The following PRDM2 variants were observed in gnomAD, a reference collection of about 807,000 sequenced individuals.
PRDM2 encodes PR/SET domain 2, also known as PR domain zinc finger protein 2.
In PRDM2, 30 loss-of-function variants were observed where a neutral mutation model predicts 130.0. The ratio of observed to expected loss-of-function variants is 0.23; its 90% confidence interval spans 0.17 to 0.31. The LOEUF (loss-of-function observed/expected upper bound fraction) is 0.31. PRDM2 is among the 10% of genes least tolerant of loss of function. PRDM2 has a pLI of 1.00. For missense variants in PRDM2, 2,011 were observed against 2,108.4 expected (o/e 0.95, Z 0.90); for synonymous variants, 871 against 782.4 (o/e 1.11, Z -1.89).
At chr1:13,764,840 T>A (rs1644185278) in intron 6 of PRDM2, among the ~76,000 whole-genome samples, 1 of 152,374 alleles carries the variant, frequency 6.6e-6, no homozygotes, top group African/African-American at 2.4e-5. Context: ...AGAGAGGTTT[T>A]ATTTTTATAA....
chr1:13,731,631 ATTC>A, intron 3 of PRDM2, among the ~76,000 whole-genome samples: 2 of 152,286 alleles, frequency 1.3e-5, no homozygotes, highest in Middle Eastern at 6.8e-3. Context: ...GTGTATCTAA[ATTC>A]TTCTGGCTGG....
At chr1:13,745,600 T>C (rs1643578163) in intron 5 of PRDM2, among the ~76,000 whole-genome samples, 2 of 152,124 alleles carry the variant, frequency 1.3e-5, no homozygotes, top group Non-Finnish European at 2.9e-5. Context: ...AAATTTTGTA[T>C]TTTTAGTAGA....
chr1:13,748,663 C>T (rs1182072315), intron 5 of PRDM2, among the ~76,000 whole-genome samples: 5 of 152,114 alleles, frequency 3.3e-5, no homozygotes, highest in Non-Finnish European at 5.9e-5. Flanking sequence ...TGATGGTGGC[C>T]CTCACTACTT....
chr1:13,725,981 C>T (rs1176266960), intron 2 of PRDM2, among the ~76,000 whole-genome samples: 1 of 152,204 alleles, frequency 6.6e-6, no homozygotes, highest in East Asian at 1.9e-4. Flanking sequence ...ATTTGAGAAT[C>T]CAGACCCTGA....
At chr1:13,760,472 G>C (rs180958510) in intron 6 of PRDM2, among the ~76,000 whole-genome samples, 4 of 152,174 alleles carry the variant, frequency 2.6e-5, no homozygotes, top group Non-Finnish European at 4.4e-5. Context: ...TGGAGTGTGC[G>C]TGTATGTTGG....
At chr1:13,820,330 T>C (rs1194621753) in intron 9 of PRDM2, among the ~76,000 whole-genome samples, 1 of 152,248 alleles carries the variant, frequency 6.6e-6, no homozygotes, top group African/African-American at 2.4e-5. Flanking sequence ...ACAGAGGTGC[T>C]TGGTTTCTGG....
intron 6 of PRDM2, among the ~76,000 whole-genome samples, chr1:13,762,109 T>G (rs889079820): frequency 9.2e-5 from 14 of 152,338 alleles, no homozygotes; most frequent in Admixed American, 6.5e-4. Flanking sequence ...ATCGATTCCA[T>G]TTATTGAGTC....
In PRDM2 at chr1:13,707,132, C is replaced by G. The variant is rs539098595; in HGVS notation, c.-66+6832C>G. 8.0e-4 allele frequency among the ~76,000 whole-genome samples: 122 copies of G among 152,268 alleles called. 1 individual carries two copies. Among genetic ancestry groups the G allele is most frequent in the African/African-American group, 2.7e-3 (113 of 41,558 alleles). On this transcript the variant is annotated intron_variant, in intron 1 of 9. Coordinates refer to ENST00000311066, the MANE Select transcript of PRDM2 (RefSeq NM_001393986.1). The stretch of plus-strand genomic sequence containing the variant: ...GTTCACCTGTGAATTCAGGAAGCCT[C>G]CCCACCATTTATGTGCAGGTTGTAT...
intron 2 of PRDM2, among the ~76,000 whole-genome samples, chr1:13,721,077 C>T (rs2100434799): frequency 6.6e-6 from 1 of 152,274 alleles, no homozygotes; most frequent in Middle Eastern, 3.4e-3. Context: ...ATTGGTTTTT[C>T]CTATTCTGGG....
intron 5 of PRDM2, among the ~76,000 whole-genome samples, chr1:13,743,915 C>G (rs1469735105): frequency 6.6e-6 from 1 of 152,108 alleles, no homozygotes; most frequent in African/African-American, 2.4e-5. Flanking sequence ...AGGTATTACT[C>G]TACAATTTTC....
Position 13,824,489 on chromosome 1 carries a change from C to T in PRDM2, c.*1354C>T, listed in dbSNP as rs1305019459. On this transcript the variant is annotated 3_prime_UTR_variant, in exon 10 of 10. Transcript: ENST00000311066. Reference sequence around the variant, plus strand: ...GTTATTTAATGAGTCAGTCAATCGGCTGCAGTATGGGATCTGATAAGGATC... The same window carrying T: ...GTTATTTAATGAGTCAGTCAATCGGTTGCAGTATGGGATCTGATAAGGATC... 6.6e-6 allele frequency: 1 copy of T among 152,118 alleles called. No individual in the cohort carries two copies. The highest frequency in any genetic ancestry group is 1.5e-5 in the Non-Finnish European group (1 of 68,038). The allele number at this position is 152,118 out of a possible 1,614,324, so 9.4% of individuals were successfully genotyped here. A position where few individuals can be genotyped will look rare whatever the true frequency, so the allele number is the denominator to read the frequency against.
chr1:13,750,443 T>C (rs1329933002), intron 6 of PRDM2, among the ~76,000 whole-genome samples: 2 of 152,106 alleles, frequency 1.3e-5, no homozygotes, highest in African/African-American at 4.8e-5. Context: ...TTCTTTTTAG[T>C]CATCTGAACG....
chr1:13,769,862 A>G (rs942243716), intron 6 of PRDM2, among the ~76,000 whole-genome samples: 1 of 152,144 alleles, frequency 6.6e-6, no homozygotes, highest in East Asian at 1.9e-4. Context: ...AGTGGTTCTT[A>G]ACCTGGGGAA....
intron 8 of PRDM2, among the ~76,000 whole-genome samples, chr1:13,808,214 G>A (rs1038522364): frequency 1.1e-4 from 17 of 152,106 alleles, no homozygotes; most frequent in African/African-American, 2.9e-4. Context: ...ATGCTGGGCC[G>A]GGCGCGGTGG....
chr1:13,712,950 A>C (rs1347508063), intron 1 of PRDM2, among the ~76,000 whole-genome samples: 8 of 152,046 alleles, frequency 5.3e-5, no homozygotes. Flanking sequence ...AGCCACACCA[A>C]CATCCTGGCT....
At chr1:13,773,230 G>A (rs1569968961) in intron 7 of PRDM2, 42 bp downstream of exon 7, 5 of 1,148,402 alleles carry the variant, frequency 4.4e-6, no homozygotes, top group Non-Finnish European at 4.8e-6. Flanking sequence ...GGGTGTGTAT[G>A]TACCCAGTGA....
intron 8 of PRDM2, among the ~76,000 whole-genome samples, chr1:13,791,121 T>C (rs1048086175): frequency 6.6e-6 from 1 of 152,268 alleles, no homozygotes; most frequent in East Asian, 1.9e-4. Flanking sequence ...AGGGTTTTTT[T>C]TTTTTAAGGG....
chr1:13,723,649 C>T (rs535747118), intron 2 of PRDM2, among the ~76,000 whole-genome samples: 1 of 152,306 alleles, frequency 6.6e-6, no homozygotes, highest in South Asian at 2.1e-4. Context: ...TGCTGTGCTT[C>T]TTCTTCCGTT....
At chr1:13,758,304 C>G (rs1231401777) in intron 6 of PRDM2, among the ~76,000 whole-genome samples, 5 of 151,688 alleles carry the variant, frequency 3.3e-5, no homozygotes, top group Non-Finnish European at 7.4e-5. Context: ...ATTAGCTGGG[C>G]GTGGTGGTGG....
Sources: gnomAD v4.1 joint callset for allele counts (sites outside exome capture counted in the v4.1 genomes callset) on GRCh38, gnomAD v4.1.1 for gene constraint, MANE v1.5 for transcripts, NCBI Gene and HGNC (gene_info 2026-07-23, HGNC 2026-07-21) for gene names.